Variants in CSMD1 observed in about 807,000 individuals in gnomAD.
CSMD1 encodes the protein CUB and sushi domain-containing protein 1.
Under a neutral mutation model 417.5 loss-of-function variants are expected in CSMD1, and 213 were observed. The ratio of observed to expected loss-of-function variants is 0.51; its 90% CI spans 0.46 to 0.57. CSMD1 has a LOEUF of 0.57. Ranked by LOEUF, CSMD1 falls within the 20% of genes least tolerant of loss-of-function variation. The pLI is 0.00. For synonymous variants in CSMD1, 2,862 were observed against 1,736.8 expected, an observed-to-expected ratio of 1.65 and a Z score of -16.11; for missense variants, 6,923 against 4,529.7, an observed-to-expected ratio of 1.53 and a Z score of -15.17.
intron 23 of CSMD1, among the ~76,000 whole-genome samples, chr8:3,314,259 AAAAAT>A (rs1584983635): frequency 6.6e-6 from 1 of 152,220 alleles, no homozygotes; most frequent in Admixed American, 6.5e-5. Context: ...TAAAAAAATA[AAAAAT>A]AAATCTCAAG....
intron 1 of CSMD1, among the ~76,000 whole-genome samples, chr8:4,850,906 G>GCCC (rs537324171): frequency 0.059 from 8,780 of 147,908 alleles, 278 homozygotes; most frequent in South Asian, 0.076. Flanking sequence ...TGTTTCCCTT[G>GCCC]CCCCCCCACT....
At chr8:3,994,019 G>C (rs2407132) in intron 5 of CSMD1, among the ~76,000 whole-genome samples, 3,842 of 152,270 alleles carry the variant, frequency 0.025, 167 homozygotes, top group African/African-American at 0.088. Context: ...CTGGCAGGGA[G>C]GGAGCCAGGA....
intron 5 of CSMD1, among the ~76,000 whole-genome samples, chr8:3,961,733 T>A (rs867872623): frequency 1.3e-4 from 20 of 152,316 alleles, no homozygotes; most frequent in Admixed American, 3.9e-4. Flanking sequence ...ATTTCCTGCG[T>A]ATGTAGTAAA....
In CSMD1 at chr8:3,262,230, T is replaced by TATATACAC. The variant is rs770901446; in HGVS notation, c.4153+21913_4153+21914insGTGTATAT. ...ATATATATATATATATATATATATATACACACACATAGTTAATTTCAAAAT... is the reference window on the plus strand; with the variant it reads ...ATATATATATATATATATATATATATATATACACACACACACATAGTTAATTTCAAAAT... On this transcript the variant is annotated intron_variant, in intron 26 of 69. Coordinates refer to ENST00000635120, the MANE Select transcript of CSMD1 (RefSeq NM_033225.6). Among the ~76,000 whole-genome samples, 779 of 95,250 alleles carry TATATACAC rather than the reference T, an allele frequency of 8.2e-3. 16 individuals are homozygous for TATATACAC. The highest frequency in any genetic ancestry group is 0.011 in the Non-Finnish European group (552 of 48,888). 62.5% of individuals were successfully genotyped at this position (95,250 alleles called of 152,430 possible).
chr8:3,898,914 C>T (rs1310680459), intron 5 of CSMD1, among the ~76,000 whole-genome samples: 2 of 152,136 alleles, frequency 1.3e-5, no homozygotes, highest in Non-Finnish European at 2.9e-5. Context: ...ACTGTAGTGA[C>T]TCTATTCAAG....
At chr8:3,761,500 A>ACT (rs1797997568) in intron 5 of CSMD1, among the ~76,000 whole-genome samples, 1 of 93,362 alleles carries the variant, frequency 1.1e-5, no homozygotes, top group Non-Finnish European at 2.0e-5. Flanking sequence ...CAAAACGACC[A>ACT]TTTTTTTTTT....
In CSMD1 at chr8:3,559,939, G is replaced by C. The variant is rs536643936; in HGVS notation, c.1344+15006C>G. Among the ~76,000 whole-genome samples the C allele has an allele frequency of 1.3e-4, 20 of 152,228 alleles. No individual in the cohort carries two copies. The South Asian group carries it at 3.9e-3, about 30-fold the overall frequency. On this transcript the variant is annotated intron_variant, in intron 10 of 69. Coordinates refer to ENST00000635120, the MANE Select transcript of CSMD1 (RefSeq NM_033225.6). ...GTGAAGGAATTATTGCTCAGCTGGA[G>C]GTGACAGAGGAGGAAAGCCGTGCGG...
At chr8:3,382,473 T>A (rs1255408823) in intron 18 of CSMD1, among the ~76,000 whole-genome samples, 2 of 94,680 alleles carry the variant, frequency 2.1e-5, no homozygotes, top group Non-Finnish European at 4.6e-5. Context: ...ATATTATATA[T>A]AATCTATATA....
At chr8:4,177,814 A>G (rs1798135930) in intron 3 of CSMD1, among the ~76,000 whole-genome samples, 1 of 151,734 alleles carries the variant, frequency 6.6e-6, no homozygotes, top group Non-Finnish European at 1.5e-5. Context: ...CTACGCAAAT[A>G]AACTAGAAAA....
intron 10 of CSMD1, among the ~76,000 whole-genome samples, chr8:3,550,084 A>C (rs1461736272): frequency 6.6e-6 from 1 of 152,164 alleles, no homozygotes; most frequent in Non-Finnish European, 1.5e-5. Context: ...GCAAGAAAAA[A>C]GAAAGCAAAG....
intron 11 of CSMD1, among the ~76,000 whole-genome samples, chr8:3,490,874 A>AT (rs199655934): frequency 1.7e-4 from 23 of 135,982 alleles, no homozygotes; most frequent in African/African-American, 3.1e-4. Context: ...AAAAGAAAAA[A>AT]ATTTTTTTTT....
Position 4,290,233 on chromosome 8 carries a change from C to G in CSMD1, c.415+129720G>C, listed in dbSNP as rs116435352. ...CACTTGTATGTGTGTCTGCAAAAAC[C>G]CATGTGTTTAGGCCCGAGGGTGATG... On this transcript the variant is annotated intron_variant, in intron 3 of 69. Transcript: ENST00000635120. Among the ~76,000 whole-genome samples the G allele has an allele frequency of 8.2e-3, 1,245 of 152,212 alleles. 14 individuals are homozygous for G. The highest frequency in any genetic ancestry group is 0.029 in the African/African-American group (1,209 of 41,546).
chr8:3,954,687 C>T (rs112109285), intron 5 of CSMD1, among the ~76,000 whole-genome samples: 31 of 152,340 alleles, frequency 2.0e-4, no homozygotes, highest in African/African-American at 7.5e-4. Flanking sequence ...TATAGACTCC[C>T]CTCTTTCCCA....
At chr8:3,582,721 CATT>C (rs1485149681) in intron 9 of CSMD1, among the ~76,000 whole-genome samples, 3 of 152,134 alleles carry the variant, frequency 2.0e-5, no homozygotes, top group African/African-American at 7.2e-5. Context: ...TAAAATATCT[CATT>C]ATCATATTTG....
chr8:4,093,099 A>G (rs956203124), intron 3 of CSMD1, among the ~76,000 whole-genome samples: 21 of 152,232 alleles, frequency 1.4e-4, no homozygotes, highest in Admixed American at 3.9e-4. Flanking sequence ...TAATTAACTC[A>G]AAGGCCCTTG....
chr8:3,245,537 C>T (rs1353187368), intron 26 of CSMD1, among the ~76,000 whole-genome samples: 1 of 152,144 alleles, frequency 6.6e-6, no homozygotes. Context: ...AATGTCTTTC[C>T]TTAGGATCTG....
intron 3 of CSMD1, among the ~76,000 whole-genome samples, chr8:4,064,065 G>A (rs539851304): frequency 2.1e-4 from 32 of 152,292 alleles, no homozygotes; most frequent in South Asian, 1.4e-3. Context: ...TGAGAAGTGC[G>A]CAGTGTGAAG....
chr8:4,934,119 C>A (rs902200389), intron 1 of CSMD1, among the ~76,000 whole-genome samples: 2 of 152,110 alleles, frequency 1.3e-5, no homozygotes, highest in Non-Finnish European at 2.9e-5. Context: ...CAGGGAGAGA[C>A]CTTTGACAAG....
At chr8:4,946,476 A>G (rs542220525) in intron 1 of CSMD1, among the ~76,000 whole-genome samples, 7 of 152,036 alleles carry the variant, frequency 4.6e-5, no homozygotes, top group Non-Finnish European at 1.0e-4. Context: ...CCCTCTATGG[A>G]GACTACCCTC....
Sources: gnomAD v4.1 joint callset for allele counts (sites outside exome capture counted in the v4.1 genomes callset) on GRCh38, gnomAD v4.1.1 for gene constraint, MANE v1.5 for transcripts, NCBI Gene and HGNC (gene_info 2026-07-23, HGNC 2026-07-21) for gene names.